The following VGLL4 variants were observed in gnomAD, a reference collection of about 807,000 sequenced individuals.
VGLL4 encodes the protein transcription cofactor vestigial-like protein 4.
Under a neutral mutation model 21.0 loss-of-function variants are expected in VGLL4, and 7 were observed. That is an observed-to-expected ratio of 0.33 (90% CI 0.19 to 0.63). The LOEUF (loss-of-function observed/expected upper bound fraction) is 0.63, where lower values mean the gene tolerates loss of function less well. Among genes scored for constraint, VGLL4 ranks in the 20% least tolerant of loss-of-function variants. The pLI is 0.78. For missense variants in VGLL4, 394 were observed against 425.7 expected (o/e 0.93, Z 0.66); for synonymous variants, 222 against 173.2 (o/e 1.28, Z -2.21).
chr3:11,608,869 AT>A (rs1193490894), intron 1 of VGLL4, among the ~76,000 whole-genome samples: 1 of 150,898 alleles, frequency 6.6e-6, no homozygotes, highest in African/African-American at 2.4e-5. Flanking sequence ...TTCAACCTCC[AT>A]TTTTTTTTGG....
chr3:11,605,234 C>G (rs58954716), intron 1 of VGLL4, among the ~76,000 whole-genome samples: 1 of 18,688 alleles, frequency 5.4e-5, no homozygotes, highest in Non-Finnish European at 9.9e-5. Flanking sequence ...CACGCCCACC[C>G]CCCACCCCCA....
upstream of VGLL4, among the ~76,000 whole-genome samples, chr3:11,644,670 A>G (rs2075760030): frequency 2.0e-5 from 3 of 152,074 alleles, no homozygotes; most frequent in South Asian, 6.2e-4. Flanking sequence ...GCATGGTGAA[A>G]CCCCATCTCT....
At chr3:11,675,188 A>G (rs1039842297) in intron 2 of VGLL4, among the ~76,000 whole-genome samples, 1 of 152,072 alleles carries the variant, frequency 6.6e-6, no homozygotes, top group Non-Finnish European at 1.5e-5. Flanking sequence ...CTAAAAATAC[A>G]AAAATTAGCC....
intron 2 of VGLL4, among the ~76,000 whole-genome samples, chr3:11,600,815 GA>G (rs1259604671): frequency 6.6e-6 from 1 of 152,150 alleles, no homozygotes; most frequent in Non-Finnish European, 1.5e-5. Flanking sequence ...GGAGCATCTT[GA>G]ATAATGAGGA....
At chr3:11,633,354 C>T in intron 1 of VGLL4, 1 of 152,290 alleles carries the variant, frequency 6.6e-6, no homozygotes, top group Non-Finnish European at 1.5e-5. Context: ...CATGAAAATA[C>T]AAACACCTAA....
At chr3:11,613,125 C>G (rs181285586) in intron 1 of VGLL4, among the ~76,000 whole-genome samples, 52 of 152,086 alleles carry the variant, frequency 3.4e-4, no homozygotes, top group Admixed American at 1.2e-3. Context: ...CCGGAGGGAC[C>G]CTGGTTGCCA....
rs569293296 is a variant in VGLL4, at chr3:11,634,760, C to T, written c.82+8677G>A. On this transcript the variant is annotated intron_variant, in intron 1 of 4. Coordinates refer to ENST00000430365, the MANE Select transcript of VGLL4 (RefSeq NM_001128219.3). ...TGGGATGATATTGGCTCACTGCAAC[C>T]GCCGCCTCCCAGGTTCAAGTGATTC... 5.0e-3 allele frequency among the ~76,000 whole-genome samples: 756 copies of T among 152,148 alleles called. 2 individuals carry two copies. Among genetic ancestry groups the T allele is most frequent in the Non-Finnish European group, 7.7e-3 (524 of 67,992 alleles).
At chr3:11,720,442 T>G (rs1185975430) in exon 1 of VGLL4, 2 of 152,630 alleles carry the variant, frequency 1.3e-5, no homozygotes, top group Admixed American at 1.3e-4. Context: ...TCGGCGCCAC[T>G]GCGCTCAGAA....
In VGLL4 at chr3:11,667,842, CTTTTTTTTTTTTTT is replaced by C. The variant is rs746416276; in HGVS notation, c.64+35115_64+35128del. ...GAGGGTCTCAAATTTCTATCTTCTT[CTTTTTTTTTTTTTT>C]TTTTTTTTTTTTTTTGAGATGGTGT... On this transcript the variant is annotated intron_variant, in intron 2 of 5. Coordinates refer to the VGLL4 transcript ENST00000273038. 7.7e-3 allele frequency among the ~76,000 whole-genome samples: 532 copies of C among 69,392 alleles called. 4 individuals carry two copies. The highest frequency in any genetic ancestry group is 0.03 in the African/African-American group (504 of 16,714). The allele number at this position is 69,392 out of a possible 152,430, so 45.5% of individuals were successfully genotyped here.
chr3:11,697,271 TG>T (rs1490621711), intron 2 of VGLL4, among the ~76,000 whole-genome samples: 6 of 148,316 alleles, frequency 4.0e-5, no homozygotes, highest in Admixed American at 2.0e-4. Context: ...CAGCTAATTG[TG>T]GTTTTTTTTT....
chr3:11,588,773 T>C (rs1330744060), intron 2 of VGLL4, among the ~76,000 whole-genome samples: 1 of 152,192 alleles, frequency 6.6e-6, no homozygotes, highest in African/African-American at 2.4e-5. Flanking sequence ...GGTGAAGTGC[T>C]GGAAGAACAA....
intron 2 of VGLL4, among the ~76,000 whole-genome samples, chr3:11,691,983 GAAA>G (rs36035876): frequency 9.5e-6 from 1 of 105,698 alleles, no homozygotes. Context: ...TGCACCAAAT[GAAA>G]AAAAAAAAAA....
intron 2 of VGLL4, among the ~76,000 whole-genome samples, chr3:11,652,812 T>TA (rs1168422635): frequency 4.6e-5 from 7 of 152,244 alleles, no homozygotes; most frequent in Non-Finnish European, 7.3e-5. Context: ...TTTAACTTGT[T>TA]AGTTTTACAA....
In VGLL4 at chr3:11,568,511, G is replaced by T; in HGVS notation, c.273-3492C>A. The T allele has an allele frequency of 6.7e-7, 1 of 1,496,888 alleles. No homozygotes were observed. The highest frequency in any genetic ancestry group is 9.1e-7 in the Non-Finnish European group (1 of 1,097,954). 92.7% of individuals were successfully genotyped at this position (1,496,888 alleles called of 1,614,324 possible). A position where few individuals can be genotyped will look rare whatever the true frequency, so the allele number is the denominator to read the frequency against. The stretch of plus-strand genomic sequence containing the variant: ...AAGACAGTCCGTGGAACACAGCACA[G>T]TGGGCACTATGGGTCAGACAAAGAC... On this transcript the variant is annotated intron_variant, in intron 2 of 4. Transcript: ENST00000430365. This position sits in a 1 kb window ranked among gnomAD's most constrained non-coding sequence, Gnocchi z 5.9.
In VGLL4 at chr3:11,675,136, G is replaced by A. The variant is rs140229043; in HGVS notation, c.64+27835C>T. ...GTGGGTGGATCACCTGAGGTCAGGA[G>A]TTCGAGACCAGCCTGGCCAACATGG... On this transcript the variant is annotated intron_variant, in intron 2 of 5. Coordinates refer to the VGLL4 transcript ENST00000273038. Among the ~76,000 whole-genome samples the A allele has an allele frequency of 1.8e-3, 271 of 152,310 alleles. 1 individual carries two copies. Among genetic ancestry groups the A allele is most frequent in the African/African-American group, 6.4e-3 (266 of 41,576 alleles).
intron 1 of VGLL4, among the ~76,000 whole-genome samples, chr3:11,609,702 C>CT (rs2075019192): frequency 1.3e-5 from 2 of 152,216 alleles, no homozygotes; most frequent in Non-Finnish European, 2.9e-5. Context: ...CACATGGCCC[C>CT]TCACCAACTG....
chr3:11,662,973 A>G (rs1418509299), intron 2 of VGLL4, among the ~76,000 whole-genome samples: 1 of 152,230 alleles, frequency 6.6e-6, no homozygotes, highest in East Asian at 1.9e-4. Context: ...TAGGAAATAA[A>G]ATTATTTTGG....
chr3:11,602,358 G>A (rs1367400261), intron 1 of VGLL4, among the ~76,000 whole-genome samples: 2 of 152,058 alleles, frequency 1.3e-5, no homozygotes, highest in Non-Finnish European at 2.9e-5. Context: ...GTCTTTTCAC[G>A]TGTGGGTATT....
At chr3:11,644,915 G>C (rs13075818), upstream of VGLL4, among the ~76,000 whole-genome samples, 50,303 of 150,530 alleles carry the variant, frequency 0.33, 10,220 homozygotes, top group Non-Finnish European at 0.46. Flanking sequence ...GAGTGTTTAA[G>C]CAAATAGGGC....
Sources: allele counts gnomAD v4.1 joint callset (sites outside exome capture counted in the v4.1 genomes callset), GRCh38; gene constraint gnomAD v4.1.1; non-coding constraint Gnocchi (gnomAD v3.1); transcripts MANE v1.5; gene names NCBI Gene and HGNC (gene_info 2026-07-23, HGNC 2026-07-21).